AFF4: variants seen among roughly 807,000 people sequenced by gnomAD.
AFF4 encodes the protein AF4/FMR2 family member 4.
AFF4 carries 13 observed loss-of-function variants against 124.8 expected under a neutral mutation model. The ratio of observed to expected loss-of-function variants is 0.10; its 90% CI spans 0.07 to 0.17. The LOEUF (loss-of-function observed/expected upper bound fraction) is 0.17, where lower values mean the gene tolerates loss of function less well. Among genes scored for constraint, AFF4 ranks in the 10% least tolerant of loss-of-function variants. AFF4 has a pLI of 1.00. For missense variants in AFF4, 1,092 were observed against 1,403.8 expected (o/e 0.78, Z 3.55); for synonymous variants, 477 against 496.1 (o/e 0.96, Z 0.51).
In AFF4 at chr5:132,880,387, C is replaced by G; in HGVS notation, c.*672G>C. On this transcript the variant is annotated 3_prime_UTR_variant, in exon 21 of 21. Coordinates refer to ENST00000265343, the MANE Select transcript of AFF4 (RefSeq NM_014423.4). ...TTCACAGTTTTTGAAATAATGCATA[C>G]CAAATCAGACACATTTCATAGTACA... 2 of 398,780 alleles carry G rather than the reference C, an allele frequency of 5.0e-6. No individual in the cohort carries two copies. The highest frequency in any genetic ancestry group is 4.1e-5 in the African/African-American group (2 of 48,722). 24.7% of individuals were successfully genotyped at this position (398,780 alleles called of 1,614,324 possible).
At chr5:132,916,106 C>T (rs975032302) in intron 5 of AFF4, among the ~76,000 whole-genome samples, 5 of 151,488 alleles carry the variant, frequency 3.3e-5, no homozygotes, top group African/African-American at 4.9e-5. Flanking sequence ...GGTGTGGTGG[C>T]GGGCACCTGT....
chr5:132,906,204 C>T (rs1277611930), intron 5 of AFF4, among the ~76,000 whole-genome samples: 1 of 152,156 alleles, frequency 6.6e-6, no homozygotes, highest in African/African-American at 2.4e-5. Flanking sequence ...TCTGGCAGTT[C>T]CTCAAATAAG....
At chr5:132,906,767 G>A (rs1760680122) in intron 5 of AFF4, among the ~76,000 whole-genome samples, 1 of 152,046 alleles carries the variant, frequency 6.6e-6, no homozygotes, top group Non-Finnish European at 1.5e-5. Flanking sequence ...TGTATATAGA[G>A]CAGTGGGCAA....
intron 1 of AFF4, among the ~76,000 whole-genome samples, chr5:132,961,936 G>A (rs1397773974): frequency 6.6e-6 from 1 of 152,080 alleles, no homozygotes; most frequent in Non-Finnish European, 1.5e-5. Context: ...AACTTACTGG[G>A]AATTTTTCTT....
intron 1 of AFF4, among the ~76,000 whole-genome samples, chr5:132,947,540 A>C (rs893765396): frequency 2.0e-5 from 3 of 152,204 alleles, no homozygotes; most frequent in Admixed American, 1.3e-4. Flanking sequence ...ATCCTACTGA[A>C]AAACAGAGTC....
chr5:132,908,776 A>ATATATATATATATT, intron 5 of AFF4, among the ~76,000 whole-genome samples: 1 of 114,894 alleles, frequency 8.7e-6, no homozygotes, highest in African/African-American at 3.0e-5. Flanking sequence ...ATATATATAT[A>ATATATATATATATT]TTTTTTTTTT....
intron 13 of AFF4, 141 bp from the exon 14 acceptor site, chr5:132,889,314 T>G (rs185290984): frequency 2.7e-5 from 16 of 584,072 alleles, no homozygotes; most frequent in African/African-American, 2.6e-4. Flanking sequence ...AAAACTTTTA[T>G]AAACTTCATA....
chr5:132,894,191 T>C (rs1418115840), intron 11 of AFF4, among the ~76,000 whole-genome samples: 2 of 152,244 alleles, frequency 1.3e-5, no homozygotes, highest in Non-Finnish European at 2.9e-5. Flanking sequence ...GATATATAAC[T>C]AGCAGTACAA....
At chr5:132,943,560 G>A in intron 1 of AFF4, 1 of 179,372 alleles carries the variant, frequency 5.6e-6, no homozygotes, top group South Asian at 1.7e-4. Context: ...TAGGCCAAGT[G>A]GAGACTGGTG....
intron 2 of AFF4, among the ~76,000 whole-genome samples, chr5:132,936,438 C>A (rs1388138325): frequency 6.6e-6 from 1 of 151,880 alleles, no homozygotes; most frequent in Non-Finnish European, 1.5e-5. Flanking sequence ...CTGTCTATAA[C>A]AACAGAAAAA....
intron 1 of AFF4, among the ~76,000 whole-genome samples, chr5:132,958,150 TACA>T (rs1762002786): frequency 6.6e-6 from 1 of 152,176 alleles, no homozygotes; most frequent in Non-Finnish European, 1.5e-5. Flanking sequence ...AATGAAATAT[TACA>T]ACACTTACAG....
At chr5:132,883,901 C>T (rs1390053799) in intron 19 of AFF4, among the ~76,000 whole-genome samples, 2 of 152,196 alleles carry the variant, frequency 1.3e-5, no homozygotes, top group Non-Finnish European at 1.5e-5. Context: ...CATATAATTA[C>T]ATATTTTTTA....
rs147286490 is a variant in AFF4, at chr5:132,934,593, T to C, written c.472A>G (p.Asn158Asp). ...GQRHDRESYNNSGSSSRKKGQ... is the reference protein window; with the variant it reads ...GQRHDRESYNDSGSSSRKKGQ... The stretch of plus-strand genomic sequence containing the variant: ...TTTTTCCGGCTACTGCTCCCACTAT[T>C]GTTATATGACTCACGGTCGTGCCTC... The change falls in exon 3 of 21, where the codon AAT (asparagine) becomes GAT (aspartate). Residue 158 changes from asparagine (N) to aspartate (D), a missense_variant. Around this residue, in one of 11 missense-constraint regions of AFF4, gnomAD observed 188 missense variants for 203.0 expected, o/e 0.93. Transcript: ENST00000265343. The C allele has an allele frequency of 1.9e-6, 3 of 1,614,016 alleles. No homozygotes were observed. Among genetic ancestry groups the C allele is most frequent in the Non-Finnish European group, 2.5e-6 (3 of 1,180,040 alleles).
Position 132,899,644 on chromosome 5 carries a change from A to G in AFF4, c.1134-3T>C, listed in dbSNP as rs1179821283. The G allele has an allele frequency of 2.5e-6, 4 of 1,607,286 alleles. No individual in the cohort carries two copies. In the Admixed American group the frequency reaches 6.7e-5, roughly 27 times the overall value. On this transcript the variant is annotated splice_polypyrimidine_tract_variant and splice_region_variant and intron_variant, in intron 7 of 20. Transcript: ENST00000265343. The stretch of plus-strand genomic sequence containing the variant: ...GTTTTAAGTCATCTTTTAACATACT[A>G]GAGGGAAAAGACAAAGAATTATTAT...
At position 132,880,079 on chromosome 5, in the gene AFF4, C is replaced by CT. The variant is rs2150060713; in HGVS notation, c.*979dup. ...AGGGGGAAAAATCTGAAAAATAACT[C>CT]TAACTATCAAAGATAATCAATTAAA... is the stretch of plus-strand genomic sequence containing the variant. On this transcript the variant is annotated 3_prime_UTR_variant, in exon 21 of 21. Coordinates refer to ENST00000265343, the MANE Select transcript of AFF4 (RefSeq NM_014423.4). The CT allele has an allele frequency of 7.6e-6, 3 of 396,726 alleles. No individual in the cohort carries two copies. Among genetic ancestry groups the CT allele is most frequent in the East Asian group, 3.6e-5 (1 of 28,004 alleles). The allele number at this position is 396,726 out of a possible 1,614,324, so 24.6% of individuals were successfully genotyped here.
intron 5 of AFF4, among the ~76,000 whole-genome samples, chr5:132,915,673 T>C (rs1162038787): frequency 6.7e-6 from 1 of 150,262 alleles, no homozygotes; most frequent in African/African-American, 2.4e-5. Flanking sequence ...GTTCAAGCGA[T>C]TCTCCTGCCT....
In AFF4 at chr5:132,877,956, G is replaced by C. The variant is rs966183865; in HGVS notation, c.*3103C>G. 1.2e-4 allele frequency: 27 copies of C among 224,968 alleles called. No individual in the cohort carries two copies. Among genetic ancestry groups the C allele is most frequent in the African/African-American group, 5.8e-4 (26 of 44,792 alleles). The allele number at this position is 224,968 out of a possible 1,614,324, so 13.9% of individuals were successfully genotyped here. A position where few individuals can be genotyped will look rare whatever the true frequency, so the allele number is the denominator to read the frequency against. Reference sequence around the variant, plus strand: ...GCTCCCAGAAACACAGGTGTCTGTGGGCTCACGCACACTGCTCTCAATTGT... The same window carrying C: ...GCTCCCAGAAACACAGGTGTCTGTGCGCTCACGCACACTGCTCTCAATTGT... On this transcript the variant is annotated 3_prime_UTR_variant, in exon 21 of 21. Coordinates refer to ENST00000265343, the MANE Select transcript of AFF4 (RefSeq NM_014423.4).
rs1239399286 is a variant in AFF4, at chr5:132,879,234, C to T, written c.*1825G>A. 2 of 221,338 alleles carry T rather than the reference C, an allele frequency of 9.0e-6. No homozygotes were observed. The highest frequency in any genetic ancestry group is 2.2e-5 in the African/African-American group (1 of 44,706). The allele number at this position is 221,338 out of a possible 1,614,324, so 13.7% of individuals were successfully genotyped here. On this transcript the variant is annotated 3_prime_UTR_variant, in exon 21 of 21. Transcript: ENST00000265343. ...CACAGGGACAATGAAAGTTCACTAA[C>T]TTCAGAAATAAGTGTAAAAAAGTCT...
chr5:132,904,207 C>T (rs774277083), intron 6 of AFF4, 161 bp downstream of exon 6: 31 of 490,550 alleles, frequency 6.3e-5, no homozygotes, highest in Admixed American at 1.0e-4. Flanking sequence ...CAGTGAGCTA[C>T]GACCACACCA....
Sources: allele counts gnomAD v4.1 joint callset (sites outside exome capture counted in the v4.1 genomes callset), GRCh38; gene constraint gnomAD v4.1.1; regional missense constraint gnomAD v4.1.1; transcripts MANE v1.5; gene names NCBI Gene and HGNC (gene_info 2026-07-23, HGNC 2026-07-21).